NEMF: variants seen among roughly 807,000 people sequenced by gnomAD.
The protein encoded by NEMF is ribosome quality control complex subunit NEMF.
A neutral mutation model predicts 162.2 loss-of-function variants in NEMF; 89 were observed. The observed-to-expected ratio is 0.55, with a 90% CI of 0.46 to 0.65. The LOEUF (loss-of-function observed/expected upper bound fraction) is 0.65. Ranked by LOEUF, NEMF falls within the 30% of genes least tolerant of loss-of-function variation. The pLI is 0.00. For synonymous variants in NEMF, 421 were observed against 404.5 expected, an observed-to-expected ratio of 1.04 and a Z score of -0.49; for missense variants, 1,133 against 1,261.9, an observed-to-expected ratio of 0.90 and a Z score of 1.55.
In NEMF at chr14:49,826,426, G is replaced by A. The variant is rs74672107; in HGVS notation, c.1489-471C>T. 2.4e-4 allele frequency among the ~76,000 whole-genome samples: 36 copies of A among 150,968 alleles called. No individual in the cohort carries two copies. In the East Asian group the frequency reaches 5.7e-3, roughly 24 times the overall value. The stretch of plus-strand genomic sequence containing the variant: ...CTACAGGAATATAACAAGGAAACCC[G>A]ATTTACACTGGGTTATGGTCAAAGA... On this transcript the variant is annotated intron_variant, in intron 15 of 32. Coordinates refer to ENST00000298310, the MANE Select transcript of NEMF (RefSeq NM_004713.6).
intron 18 of NEMF, among the ~76,000 whole-genome samples, chr14:49,812,431 C>T (rs1421069529): frequency 1.3e-5 from 2 of 152,024 alleles, no homozygotes; most frequent in Non-Finnish European, 2.9e-5. Context: ...CTAATATTTA[C>T]TATTTTCTTC....
intron 8 of NEMF, 114 bp from the exon 9 acceptor site, chr14:49,832,391 G>A: frequency 1.5e-6 from 1 of 681,872 alleles, no homozygotes; most frequent in South Asian, 1.9e-5. Flanking sequence ...GAGTGCAGTG[G>A]TATATTCTCG....
chr14:49,817,431 CTA>C (rs1231902446), intron 16 of NEMF, among the ~76,000 whole-genome samples: 3 of 152,060 alleles, frequency 2.0e-5, no homozygotes, highest in Non-Finnish European at 4.4e-5. Context: ...CAGAGCAAGA[CTA>C]TGTCTCAAAA....
intron 28 of NEMF, among the ~76,000 whole-genome samples, chr14:49,788,673 G>A (rs909839513): frequency 6.6e-6 from 1 of 150,600 alleles, no homozygotes; most frequent in Non-Finnish European, 1.5e-5. Context: ...TTCTGCCTCA[G>A]CCTCCCAAGT....
At chr14:49,791,439 C>G (rs1424547458) in intron 26 of NEMF, among the ~76,000 whole-genome samples, 1 of 150,940 alleles carries the variant, frequency 6.6e-6, no homozygotes, top group Non-Finnish European at 1.5e-5. Flanking sequence ...GATGTGTGTG[C>G]TTATAAAAAT....
chr14:49,816,470 G>T (rs1430934689), intron 16 of NEMF, among the ~76,000 whole-genome samples: 1 of 152,068 alleles, frequency 6.6e-6, no homozygotes, highest in African/African-American at 2.4e-5. Context: ...CCCTGTTCTT[G>T]CACCTCCCTC....
chr14:49,790,511 CA>C (rs1461749451), intron 26 of NEMF, among the ~76,000 whole-genome samples: 1 of 152,056 alleles, frequency 6.6e-6, no homozygotes, highest in Non-Finnish European at 1.5e-5. Flanking sequence ...AAAAAGAAAA[CA>C]ATACCAAGTG....
chr14:49,784,617 T>C lies in NEMF; in HGVS notation c.*19A>G, dbSNP rs748115576. ...CTATAAAATTGGCTCTTCTCAAATA[T>C]TTTAGAATTTCATTTCAGCTATTTC... On this transcript the variant is annotated 3_prime_UTR_variant, in exon 33 of 33. Coordinates refer to ENST00000298310, the MANE Select transcript of NEMF (RefSeq NM_004713.6). 1 of 1,578,070 alleles carries C rather than the reference T, an allele frequency of 6.3e-7. No homozygotes were observed. The highest frequency in any genetic ancestry group is 1.7e-5 in the Admixed American group (1 of 57,846).
Position 49,828,633 on chromosome 14 carries a change from T to A in NEMF, c.1407A>T (p.Ala469=). ...TGACTTACTTTTTGGCATTGGCATA[T>A]GCTGACAAGCTGAGATCAACATCTA... ...LLVDVDLSLS[A]YANAKKYYDH... Residue 469 remains alanine (A), a synonymous_variant, in exon 14 of 33, where the codon GCA becomes GCT. Coordinates refer to ENST00000298310, the MANE Select transcript of NEMF (RefSeq NM_004713.6). 4.4e-6 allele frequency: 7 copies of A among 1,573,140 alleles called. No homozygotes were observed. Among genetic ancestry groups the A allele is most frequent in the Non-Finnish European group, 6.0e-6 (7 of 1,168,352 alleles).
At chr14:49,846,341 CTTCTT>C in intron 3 of NEMF, 76 bp from the exon 4 acceptor site, 1 of 1,354,364 alleles carries the variant, frequency 7.4e-7, no homozygotes. Flanking sequence ...TATAAATAAG[CTTCTT>C]TTCATTATCA....
intron 25 of NEMF, 95 bp downstream of exon 25, chr14:49,799,380 G>A: frequency 1.0e-6 from 1 of 978,738 alleles, no homozygotes; most frequent in Non-Finnish European, 1.5e-6. Flanking sequence ...AATGAAGGAA[G>A]TCTTTAAACA....
At chr14:49,788,603 G>A (rs1301161783) in intron 28 of NEMF, among the ~76,000 whole-genome samples, 1 of 145,236 alleles carries the variant, frequency 6.9e-6, no homozygotes, top group Non-Finnish European at 1.5e-5. Context: ...TGTCGCCCAG[G>A]CTGGAGTGCA....
chr14:49,838,570 CTTT>C (rs907026827), intron 5 of NEMF, among the ~76,000 whole-genome samples: 5 of 146,228 alleles, frequency 3.4e-5, no homozygotes, highest in African/African-American at 7.5e-5. Context: ...CATCGAACAA[CTTT>C]TTTTTTGTTT....
intron 11 of NEMF, among the ~76,000 whole-genome samples, chr14:49,829,937 A>G (rs1440747033): frequency 6.6e-6 from 1 of 152,120 alleles, no homozygotes; most frequent in East Asian, 1.9e-4. Context: ...TAAATTACCA[A>G]ATGACTTTGT....
Position 49,802,445 on chromosome 14 carries a change from T to C in NEMF, c.2095+8A>G. On this transcript the variant is annotated splice_region_variant and intron_variant, in intron 22 of 32. Transcript: ENST00000298310. ...TCACAAGCTAATTTCTTAAAATCTA[T>C]AAACTACCTAATTGTTCCATTTCTT... 6.2e-7 allele frequency: 1 copy of C among 1,610,982 alleles called. No individual in the cohort carries two copies. Among genetic ancestry groups the C allele is most frequent in the East Asian group, 2.2e-5 (1 of 44,840 alleles).
At position 49,828,764 on chromosome 14, in the gene NEMF, C is replaced by T; in HGVS notation, c.1276G>A (p.Gly426Ser). The change falls in exon 14 of 33, where the codon GGT (glycine) becomes AGT (serine). Residue 426 changes from glycine to serine, a missense_variant. By Grantham distance (56) the Gly-to-Ser change is moderately conservative (BLOSUM62 0). Coordinates refer to ENST00000298310, the MANE Select transcript of NEMF (RefSeq NM_004713.6). Reference protein sequence around the residue: ...LSEEEDDDVDGDVNVEKNETE... With the variant: ...LSEEEDDDVDSDVNVEKNETE... The stretch of plus-strand genomic sequence containing the variant: ...TCATTTTTCTCAACATTGACGTCAC[C>T]ATCAACATCATCATCTTCCTCCTCT... The T allele has an allele frequency of 1.3e-6, 2 of 1,551,098 alleles. No individual in the cohort carries two copies. Among genetic ancestry groups the T allele is most frequent in the African/African-American group, 1.4e-5 (1 of 72,790 alleles).
At chr14:49,786,930 T>G in intron 28 of NEMF, 180 bp from the exon 29 acceptor site, 1 of 562,026 alleles carries the variant, frequency 1.8e-6, no homozygotes, top group Admixed American at 3.4e-5. Context: ...TATATGTGTT[T>G]GTGTGTGTCT....
At chr14:49,823,112 G>A (rs1309271694) in intron 16 of NEMF, among the ~76,000 whole-genome samples, 1 of 151,668 alleles carries the variant, frequency 6.6e-6, no homozygotes, top group Non-Finnish European at 1.5e-5. Flanking sequence ...AATTTTTTTT[G>A]TATTTTTAGT....
chr14:49,791,970 T>G (rs1331740475), intron 26 of NEMF, among the ~76,000 whole-genome samples: 1 of 151,726 alleles, frequency 6.6e-6, no homozygotes, highest in Admixed American at 6.6e-5. Flanking sequence ...GAAATTGAAA[T>G]TAGTTCTTAC....
Sources: gnomAD v4.1 joint callset for allele counts (sites outside exome capture counted in the v4.1 genomes callset) on GRCh38, gnomAD v4.1.1 for gene constraint, MANE v1.5 for transcripts, NCBI Gene and HGNC (gene_info 2026-07-23, HGNC 2026-07-21) for gene names.